The following PDZD2 variants were observed in gnomAD, a reference collection of about 807,000 sequenced individuals.
PDZD2 encodes PDZ domain-containing protein 2.
Under a neutral mutation model 220.7 loss-of-function variants are expected in PDZD2, and 90 were observed. That is an observed-to-expected ratio of 0.41 (90% CI 0.34 to 0.49). The LOEUF (loss-of-function observed/expected upper bound fraction) is 0.49. PDZD2 is among the 20% of genes least tolerant of loss of function. PDZD2 has a pLI of 0.28. For synonymous variants in PDZD2, 1,375 were observed against 1,450.5 expected, an observed-to-expected ratio of 0.95 and a Z score of 1.18; for missense variants, 3,174 against 3,608.5, an observed-to-expected ratio of 0.88 and a Z score of 3.08.
At chr5:31,759,214 A>G (rs1751484093) in intron 1 of PDZD2, among the ~76,000 whole-genome samples, 1 of 151,726 alleles carries the variant, frequency 6.6e-6, no homozygotes, top group South Asian at 2.1e-4. Context: ...TAGCTACTGC[A>G]GGATTGAAGT....
intron 2 of PDZD2, among the ~76,000 whole-genome samples, chr5:31,817,730 C>T (rs1347625381): frequency 6.6e-6 from 1 of 152,076 alleles, no homozygotes; most frequent in Non-Finnish European, 1.5e-5. Context: ...GTGGTGCAAT[C>T]TCGGCTCACT....
At chr5:32,095,559 T>C (rs574234907) in intron 21 of PDZD2, among the ~76,000 whole-genome samples, 1 of 152,292 alleles carries the variant, frequency 6.6e-6, no homozygotes, top group East Asian at 1.9e-4. Context: ...TGATGGTTGA[T>C]CTGGCCGCCC....
intron 2 of PDZD2, among the ~76,000 whole-genome samples, chr5:31,916,273 G>A (rs993878339): frequency 3.3e-5 from 5 of 152,128 alleles, no homozygotes; most frequent in East Asian, 1.9e-4. Flanking sequence ...CATCTCCCTC[G>A]GTGTCATTCA....
At chr5:31,744,090 C>T (rs999503108) in intron 1 of PDZD2, 6 of 152,168 alleles carry the variant, frequency 3.9e-5, no homozygotes, top group African/African-American at 1.4e-4. Flanking sequence ...ACTGGTTTGT[C>T]TGGAACTTTC....
intron 1 of PDZD2, among the ~76,000 whole-genome samples, chr5:31,719,534 A>G (rs947158947): frequency 6.6e-6 from 1 of 152,218 alleles, no homozygotes; most frequent in Non-Finnish European, 1.5e-5. Flanking sequence ...TTATTTCTAT[A>G]TATTTGGAAA....
chr5:31,840,318 A>C (rs1208608427), intron 2 of PDZD2, among the ~76,000 whole-genome samples: 1 of 149,910 alleles, frequency 6.7e-6, no homozygotes, highest in African/African-American at 2.5e-5. Flanking sequence ...GAAACCTGAA[A>C]GTTTAATTAC....
intron 1 of PDZD2, among the ~76,000 whole-genome samples, chr5:31,763,872 A>T (rs993292634): frequency 1.3e-4 from 5 of 39,264 alleles, no homozygotes; most frequent in East Asian, 0.01. Context: ...CCTCTGATTA[A>T]AAAAAAAAAA....
At chr5:32,065,054 C>T (rs1209024649) in intron 14 of PDZD2, among the ~76,000 whole-genome samples, 2 of 152,062 alleles carry the variant, frequency 1.3e-5, no homozygotes, top group African/African-American at 4.8e-5. Context: ...AATCCTAGCA[C>T]TTTAGGAGGC....
At chr5:31,927,322 G>A (rs113347649) in intron 2 of PDZD2, among the ~76,000 whole-genome samples, 281 of 152,338 alleles carry the variant, frequency 1.8e-3, no homozygotes, top group African/African-American at 6.6e-3. Context: ...CTTTCTGGTA[G>A]AATGTGTCTG....
chr5:31,913,953 C>T lies in PDZD2; in HGVS notation c.477-69202C>T, dbSNP rs1459598564. On this transcript the variant is annotated intron_variant, in intron 2 of 24. Transcript: ENST00000438447. Reference sequence around the variant, plus strand: ...TCTCCAACCTCTCCCCTACCCCCAGCACACACTCTCTACTGCTAAAAGCTA... The same window carrying T: ...TCTCCAACCTCTCCCCTACCCCCAGTACACACTCTCTACTGCTAAAAGCTA... Among the ~76,000 whole-genome samples the T allele has an allele frequency of 2.6e-5, 4 of 151,414 alleles. No homozygotes were observed. In the Admixed American group the frequency reaches 2.6e-4, roughly 10 times the overall value.
chr5:31,998,628 A>G (rs892980234), intron 4 of PDZD2, among the ~76,000 whole-genome samples: 5 of 152,226 alleles, frequency 3.3e-5, no homozygotes, highest in Non-Finnish European at 7.3e-5. Context: ...GTGAACCTTT[A>G]GAACAGAGAA....
chr5:32,098,344 TTTTCC>T lies in PDZD2; in HGVS notation c.7948-13_7948-9del. The T allele has an allele frequency of 6.2e-7, 1 of 1,608,862 alleles. No homozygotes were observed. Reference sequence around the variant, plus strand: ...GTAAGTGGATCTGGTTTTTGTTCCCTTTTCCTTTCCTCATCCCAGGTCCACAGGGT... The same window carrying T: ...GTAAGTGGATCTGGTTTTTGTTCCCTTTTCCTCATCCCAGGTCCACAGGGT... On this transcript the variant is annotated splice_polypyrimidine_tract_variant and intron_variant, in intron 22 of 24. Transcript: ENST00000438447. This position sits in a 1 kb window ranked among gnomAD's most constrained non-coding sequence, Gnocchi z 4.1.
chr5:31,761,466 A>G (rs545995894), intron 1 of PDZD2, among the ~76,000 whole-genome samples: 41 of 151,956 alleles, frequency 2.7e-4, no homozygotes, highest in Non-Finnish European at 4.6e-4. Context: ...TTGAATAATT[A>G]GGAGAATGTT....
intron 2 of PDZD2, among the ~76,000 whole-genome samples, chr5:31,856,180 C>G (rs1449564014): frequency 2.6e-5 from 4 of 152,168 alleles, no homozygotes; most frequent in African/African-American, 9.7e-5. Context: ...GGCCTCATCT[C>G]GTCCCCAGCT....
chr5:32,017,439 CAA>C (rs11289719), intron 6 of PDZD2, among the ~76,000 whole-genome samples: 99 of 126,890 alleles, frequency 7.8e-4, no homozygotes, highest in African/African-American at 8.3e-4. Flanking sequence ...GACCCTGTCT[CAA>C]AAAAAAAAAA....
chr5:31,895,218 A>T (rs908185648), intron 2 of PDZD2, among the ~76,000 whole-genome samples: 7 of 152,106 alleles, frequency 4.6e-5, no homozygotes, highest in African/African-American at 1.7e-4. Flanking sequence ...AGTGCAATGG[A>T]CTGAATGTTT....
intron 6 of PDZD2, among the ~76,000 whole-genome samples, chr5:32,036,432 C>T (rs1055637696): frequency 4.6e-5 from 7 of 151,980 alleles, no homozygotes; most frequent in African/African-American, 1.7e-4. Context: ...GTAAATTTAC[C>T]CCACAATTTT....
intron 1 of PDZD2, among the ~76,000 whole-genome samples, chr5:31,671,364 A>C (rs1200193003): frequency 6.6e-6 from 1 of 152,204 alleles, no homozygotes; most frequent in Non-Finnish European, 1.5e-5. Context: ...GCTAGGGCAT[A>C]GTGTGTGTAA....
intron 2 of PDZD2, among the ~76,000 whole-genome samples, chr5:31,907,432 A>G (rs1742755516): frequency 6.6e-6 from 1 of 152,172 alleles, no homozygotes. Context: ...CCCTTATCAC[A>G]TTGGGGATTA....
Sources: allele counts gnomAD v4.1 joint callset (sites outside exome capture counted in the v4.1 genomes callset), GRCh38; gene constraint gnomAD v4.1.1; non-coding constraint Gnocchi (gnomAD v3.1); transcripts MANE v1.5; gene names NCBI Gene and HGNC (gene_info 2026-07-23, HGNC 2026-07-21).